The following ATP8B4 variants were observed in gnomAD, a reference collection of about 807,000 sequenced individuals.
The protein encoded by ATP8B4 is probable phospholipid-transporting ATPase IM.
A neutral mutation model predicts 145.6 loss-of-function variants in ATP8B4; 133 were observed. The observed-to-expected ratio is 0.91, with a 90% CI of 0.79 to 1.05. ATP8B4 has a LOEUF of 1.05. Ranked by LOEUF, ATP8B4 falls within the 50% of genes least tolerant of loss-of-function variation. ATP8B4 has a pLI of 0.00. For synonymous variants in ATP8B4, 507 were observed against 492.9 expected (o/e 1.03, Z -0.38); for missense variants, 1,458 against 1,425.2 (o/e 1.02, Z -0.37).
chr15:49,963,932 A>C (rs1301108706), intron 13 of ATP8B4, among the ~76,000 whole-genome samples: 1 of 152,198 alleles, frequency 6.6e-6, no homozygotes, highest in Non-Finnish European at 1.5e-5. Flanking sequence ...TACTTGAATC[A>C]ACCTGTGCCA....
At chr15:49,976,801 T>C (rs940564943) in intron 12 of ATP8B4, among the ~76,000 whole-genome samples, 3 of 152,110 alleles carry the variant, frequency 2.0e-5, no homozygotes, top group Non-Finnish European at 4.4e-5. Context: ...GCGCTTTCTT[T>C]TACAATAGCA....
intron 1 of ATP8B4, among the ~76,000 whole-genome samples, chr15:50,116,928 G>A (rs12909011): frequency 0.27 from 41,188 of 151,980 alleles, 6,021 homozygotes; most frequent in Middle Eastern, 0.33. Context: ...ATGTTGCTAG[G>A]AGGTTACTAT....
intron 20 of ATP8B4, among the ~76,000 whole-genome samples, chr15:49,915,903 T>C (rs948299725): frequency 6.6e-6 from 1 of 151,634 alleles, no homozygotes; most frequent in Admixed American, 6.6e-5. Context: ...TACCATCAAG[T>C]AGTGGTGCTG....
chr15:50,045,776 T>C (rs1217724281), intron 4 of ATP8B4, among the ~76,000 whole-genome samples: 1 of 152,150 alleles, frequency 6.6e-6, no homozygotes, highest in Non-Finnish European at 1.5e-5. Flanking sequence ...GACTGAACCA[T>C]CCCAAAGTTC....
At chr15:50,108,470 T>A (rs1319842405) in intron 1 of ATP8B4, among the ~76,000 whole-genome samples, 1 of 152,178 alleles carries the variant, frequency 6.6e-6, no homozygotes, top group Non-Finnish European at 1.5e-5. Flanking sequence ...TCCCTGCTCA[T>A]CTTTCCAGCC....
intron 20 of ATP8B4, 131 bp from the exon 21 acceptor site, chr15:49,901,370 T>C (rs563509145): frequency 3.1e-5 from 29 of 943,124 alleles, no homozygotes; most frequent in Non-Finnish European, 1.5e-6. Context: ...AAGACCCAGT[T>C]TCAGTAAGCA....
At chr15:49,941,717 C>A (rs951988800) in intron 14 of ATP8B4, among the ~76,000 whole-genome samples, 1 of 152,082 alleles carries the variant, frequency 6.6e-6, no homozygotes, top group East Asian at 1.9e-4. Flanking sequence ...AATAAGTCAT[C>A]ATATAAAAAG....
chr15:50,085,954 CAT>C (rs373129384), intron 2 of ATP8B4, among the ~76,000 whole-genome samples: 2 of 29,692 alleles, frequency 6.7e-5, no homozygotes, highest in African/African-American at 1.7e-4. Context: ...TGATATATAT[CAT>C]ATATATTTAT....
intron 2 of ATP8B4, among the ~76,000 whole-genome samples, chr15:50,086,084 T>A (rs1388985683): frequency 8.8e-6 from 1 of 113,676 alleles, no homozygotes; most frequent in African/African-American, 3.7e-5. Context: ...AATATAGAAC[T>A]ATACTTATTA....
chr15:49,920,419 G>A lies in ATP8B4; in HGVS notation c.1759-9C>T. On this transcript the variant is annotated splice_polypyrimidine_tract_variant and intron_variant, in intron 17 of 27. Transcript: ENST00000284509. ...CCTTCCCCTGCAAATTCCTGCCAGAGATGACATAGACTCATGAACCATCAA... is the reference window on the plus strand; with the variant it reads ...CCTTCCCCTGCAAATTCCTGCCAGAAATGACATAGACTCATGAACCATCAA... The A allele has an allele frequency of 6.2e-7, 1 of 1,611,086 alleles. No individual in the cohort carries two copies. The highest frequency in any genetic ancestry group is 1.7e-5 in the Admixed American group (1 of 59,476).
At chr15:49,868,146 T>A (rs1380722829) in intron 25 of ATP8B4, among the ~76,000 whole-genome samples, 1 of 152,168 alleles carries the variant, frequency 6.6e-6, no homozygotes, top group Non-Finnish European at 1.5e-5. Flanking sequence ...GTCCTTTAGG[T>A]CCTATCCAAA....
chr15:50,001,612 T>C (rs1414456785), intron 8 of ATP8B4, among the ~76,000 whole-genome samples: 1 of 152,220 alleles, frequency 6.6e-6, no homozygotes, highest in Non-Finnish European at 1.5e-5. Context: ...GTCATTAAAA[T>C]GTAAGCATTC....
chr15:49,863,478 AC>A (rs1033303233), intron 26 of ATP8B4, among the ~76,000 whole-genome samples: 6 of 152,234 alleles, frequency 3.9e-5, no homozygotes, highest in Admixed American at 3.9e-4. Flanking sequence ...ACCAAAATAA[AC>A]TTTTGTCCCT....
At chr15:50,169,337 G>C (rs193157738) in intron 1 of ATP8B4, among the ~76,000 whole-genome samples, 2 of 152,340 alleles carry the variant, frequency 1.3e-5, no homozygotes. Context: ...GAGACCCATA[G>C]ACGGTTCACA....
At chr15:50,052,577 T>TG (rs1423114071) in intron 3 of ATP8B4, among the ~76,000 whole-genome samples, 2 of 152,198 alleles carry the variant, frequency 1.3e-5, no homozygotes, top group Non-Finnish European at 2.9e-5. Context: ...CCTCCAAGAT[T>TG]GGCCCATCGG....
At chr15:50,142,572 A>G (rs1231131716) in intron 1 of ATP8B4, among the ~76,000 whole-genome samples, 1 of 152,188 alleles carries the variant, frequency 6.6e-6, no homozygotes, top group Non-Finnish European at 1.5e-5. Flanking sequence ...CATTTTGAAG[A>G]ACATCTTGGC....
At chr15:50,161,112 T>C (rs1216979741) in intron 1 of ATP8B4, among the ~76,000 whole-genome samples, 1 of 152,138 alleles carries the variant, frequency 6.6e-6, no homozygotes, top group African/African-American at 2.4e-5. Flanking sequence ...GATCCCTTTA[T>C]CTTTATATAG....
At chr15:49,995,307 C>G (rs921609520) in intron 9 of ATP8B4, among the ~76,000 whole-genome samples, 1 of 152,102 alleles carries the variant, frequency 6.6e-6, no homozygotes, top group African/African-American at 2.4e-5. Context: ...TTTGGGCCTC[C>G]ATGAATATTC....
At chr15:50,040,209 C>T (rs2051167041) in intron 5 of ATP8B4, among the ~76,000 whole-genome samples, 1 of 152,184 alleles carries the variant, frequency 6.6e-6, no homozygotes, top group Non-Finnish European at 1.5e-5. Flanking sequence ...AGATTCGAGT[C>T]AGAGAAGAGT....
Sources: allele counts gnomAD v4.1 joint callset (sites outside exome capture counted in the v4.1 genomes callset), GRCh38; gene constraint gnomAD v4.1.1; transcripts MANE v1.5; gene names NCBI Gene and HGNC (gene_info 2026-07-23, HGNC 2026-07-21).